Variants in SLC25A28 observed in about 807,000 individuals in gnomAD.
SLC25A28 encodes the protein mitoferrin-2.
Under a neutral mutation model 31.9 loss-of-function variants are expected in SLC25A28, and 10 were observed. That is an observed-to-expected ratio of 0.31 (90% CI 0.19 to 0.53). The LOEUF (loss-of-function observed/expected upper bound fraction) is 0.53, where lower values mean the gene tolerates loss of function less well. SLC25A28 is among the 20% of genes least tolerant of loss of function. The probability of loss-of-function intolerance (pLI) is 0.95; values close to 1 mark genes in which losing one functional copy is unlikely to be tolerated. For missense variants in SLC25A28, 256 were observed against 490.3 expected, an observed-to-expected ratio of 0.52 and a Z score of 4.51; for synonymous variants, 208 against 203.6, an observed-to-expected ratio of 1.02 and a Z score of -0.19.
At chr10:99,652,725 T>C in the SLC25A28 span, among the ~76,000 whole-genome samples, 2 of 152,168 alleles carry the variant, frequency 1.3e-5, no homozygotes, top group Non-Finnish European at 2.9e-5. Context: ...TTTGCCATAC[T>C]GTACCCCCAC....
the SLC25A28 span, among the ~76,000 whole-genome samples, chr10:99,626,735 C>A: frequency 6.6e-6 from 1 of 151,944 alleles, no homozygotes; most frequent in Non-Finnish European, 1.5e-5. Context: ...GAAATTTCAG[C>A]CCATGTGGGA....
intron 1 of SLC25A28, among the ~76,000 whole-genome samples, chr10:99,615,102 C>T (rs2034615630): frequency 6.6e-6 from 1 of 152,024 alleles, no homozygotes; most frequent in African/African-American, 2.4e-5. Flanking sequence ...CGTCTGTAAT[C>T]CCAGCACTTT....
chr10:99,615,696 A>G, intron 1 of SLC25A28: 1 of 985,420 alleles, frequency 1.0e-6, no homozygotes, highest in Non-Finnish European at 1.2e-6. Flanking sequence ...GGCATATAAA[A>G]TCCATCAGAA....
chr10:99,613,605 C>T lies in SLC25A28; in HGVS notation c.520+91G>A, dbSNP rs1347622458. On this transcript the variant is annotated intron_variant, in intron 2 of 3. Transcript: ENST00000370495. The surrounding 1 kb of genome is among the most constrained non-coding windows in gnomAD (Gnocchi z 4.9). ...GGCCTATCCCAGCCCAAAGCTTCAG[C>T]TCCAAACCATGCTGAGACTGGAAAG... is the stretch of plus-strand genomic sequence containing the variant. The T allele has an allele frequency of 1.9e-6, 3 of 1,591,832 alleles. No homozygotes were observed. Among genetic ancestry groups the T allele is most frequent in the Non-Finnish European group, 2.6e-6 (3 of 1,169,240 alleles).
At chr10:99,651,522 G>A in the SLC25A28 span, among the ~76,000 whole-genome samples, 1 of 151,218 alleles carries the variant, frequency 6.6e-6, no homozygotes, top group African/African-American at 2.4e-5. Context: ...ATAACCCACT[G>A]TGTGGCTTAT....
upstream of SLC25A28, among the ~76,000 whole-genome samples, chr10:99,625,183 G>A (rs1041127852): frequency 6.2e-4 from 15 of 24,004 alleles, no homozygotes; most frequent in Admixed American, 4.0e-3. Flanking sequence ...AGATATTGCC[G>A]ACCCAAAGAG....
upstream of SLC25A28, among the ~76,000 whole-genome samples, chr10:99,622,084 G>A (rs1308204040): frequency 1.3e-5 from 2 of 152,194 alleles, no homozygotes; most frequent in South Asian, 2.1e-4. Flanking sequence ...TGTGAAGGCC[G>A]AGGTGGGACG....
the SLC25A28 span, among the ~76,000 whole-genome samples, chr10:99,630,756 C>G: frequency 9.2e-5 from 14 of 152,186 alleles, no homozygotes; most frequent in African/African-American, 2.6e-4. Context: ...TCTGGTGGAG[C>G]TTAAAGTCTT....
intron 1 of SLC25A28, chr10:99,616,215 T>C: frequency 3.0e-6 from 3 of 984,698 alleles, no homozygotes; most frequent in South Asian, 9.4e-5. Flanking sequence ...AGTGGTTTGG[T>C]AAAAGACAAG....
At chr10:99,624,443 A>T (rs534459406), upstream of SLC25A28, among the ~76,000 whole-genome samples, 28 of 152,212 alleles carry the variant, frequency 1.8e-4, 1 homozygote, top group South Asian at 4.6e-3. Flanking sequence ...ATGCTGCTAG[A>T]CCTTGGACCA....
upstream of SLC25A28, among the ~76,000 whole-genome samples, chr10:99,625,174 G>C (rs937354690): frequency 7.3e-5 from 11 of 151,688 alleles, no homozygotes; most frequent in Non-Finnish European, 1.6e-4. Context: ...AGCTCATAAA[G>C]ATATTGCCGA....
chr10:99,618,372 G>T, intron 1 of SLC25A28: 2 of 985,168 alleles, frequency 2.0e-6, no homozygotes, highest in African/African-American at 3.5e-5. Context: ...TGTTTTCATT[G>T]ATCTGTTTTC....
At position 99,617,398 on chromosome 10, in the gene SLC25A28, C is replaced by T. The variant is rs1270847028; in HGVS notation, c.291+2647G>A. The T allele has an allele frequency of 5.1e-6, 5 of 985,330 alleles. No homozygotes were observed. In the East Asian group the frequency reaches 4.5e-4, roughly 89 times the overall value. The allele number at this position is 985,330 out of a possible 1,614,324, so 61.0% of individuals were successfully genotyped here. On this transcript the variant is annotated intron_variant, in intron 1 of 3. Coordinates refer to ENST00000370495, the MANE Select transcript of SLC25A28 (RefSeq NM_031212.4). The stretch of plus-strand genomic sequence containing the variant: ...AAGTAGCTGAGGATGGACAGGCCTG[C>T]ATGTCAAAAGGCAATGTCAGCTTTC...
At chr10:99,651,387 T>C in the SLC25A28 span, among the ~76,000 whole-genome samples, 1 of 152,182 alleles carries the variant, frequency 6.6e-6, no homozygotes, top group Non-Finnish European at 1.5e-5. Flanking sequence ...AGTGCACAAA[T>C]CTTTCGTCTA....
At chr10:99,649,694 T>C in the SLC25A28 span, among the ~76,000 whole-genome samples, 1 of 152,316 alleles carries the variant, frequency 6.6e-6, no homozygotes, top group Non-Finnish European at 1.5e-5. Flanking sequence ...CTCAGAAGAT[T>C]GTATGTTTCC....
Position 99,617,560 on chromosome 10 carries a change from T to C in SLC25A28, c.291+2485A>G, listed in dbSNP as rs375233874. 57 of 985,432 alleles carry C rather than the reference T, an allele frequency of 5.8e-5. No individual in the cohort carries two copies. The African/African-American group carries it at 7.1e-4, about 12-fold the overall frequency. 61.0% of individuals were successfully genotyped at this position (985,432 alleles called of 1,614,324 possible). Reference sequence around the variant, plus strand: ...GGATAGCTGCTGGGGACAAGCAAACTGGGAAGTCTTTTCTGAAGGAAGAGA... The same window carrying C: ...GGATAGCTGCTGGGGACAAGCAAACCGGGAAGTCTTTTCTGAAGGAAGAGA... On this transcript the variant is annotated intron_variant, in intron 1 of 3. Coordinates refer to ENST00000370495, the MANE Select transcript of SLC25A28 (RefSeq NM_031212.4).
At chr10:99,624,014 GGCCTAAGATTCTTC>G, upstream of SLC25A28, among the ~76,000 whole-genome samples, 1 of 151,952 alleles carries the variant, frequency 6.6e-6, no homozygotes, top group Non-Finnish European at 1.5e-5. Flanking sequence ...GTCTGGTTGG[GGCCTAAGATTCTTC>G]CTTCCCTCTC....
chr10:99,658,326 C>T, the SLC25A28 span, among the ~76,000 whole-genome samples: 1 of 152,138 alleles, frequency 6.6e-6, no homozygotes, highest in African/African-American at 2.4e-5. Flanking sequence ...TCCCCGATCC[C>T]CCCCATTCAT....
upstream of SLC25A28, chr10:99,620,826 G>C (rs752745815): frequency 1.3e-4 from 124 of 985,350 alleles, no homozygotes; most frequent in Admixed American, 4.3e-4. Flanking sequence ...GGACTCTAGG[G>C]GCCGACTTCG....
Sources: gnomAD v4.1 joint callset for allele counts (sites outside exome capture counted in the v4.1 genomes callset) on GRCh38, gnomAD v4.1.1 for gene constraint, Gnocchi (gnomAD v3.1) non-coding constraint, MANE v1.5 for transcripts, NCBI Gene and HGNC (gene_info 2026-07-23, HGNC 2026-07-21) for gene names.